CHCHD3: variants seen among roughly 807,000 people sequenced by gnomAD.
The protein encoded by CHCHD3 is MICOS complex subunit MIC19.
In CHCHD3, 20 loss-of-function variants were observed where a neutral mutation model predicts 38.2. The observed-to-expected ratio is 0.52, with a 90% CI of 0.37 to 0.76. The LOEUF is 0.76. Ranked by LOEUF, CHCHD3 falls within the 30% of genes least tolerant of loss-of-function variation. The pLI, the probability that CHCHD3 is intolerant of heterozygous loss-of-function variation, is 0.00. For missense variants in CHCHD3, 245 were observed against 279.2 expected, an observed-to-expected ratio of 0.88 and a Z score of 0.87; for synonymous variants, 82 against 100.0, an observed-to-expected ratio of 0.82 and a Z score of 1.07.
intron 4 of CHCHD3, among the ~76,000 whole-genome samples, chr7:132,888,496 T>C (rs1809272007): frequency 6.6e-6 from 1 of 151,892 alleles, no homozygotes; most frequent in African/African-American, 2.4e-5. Flanking sequence ...ATAATAACTA[T>C]AAATGTGTGA....
chr7:133,056,139 T>C (rs534045176), intron 2 of CHCHD3, among the ~76,000 whole-genome samples: 4 of 151,080 alleles, frequency 2.6e-5, no homozygotes, highest in African/African-American at 4.9e-5. Flanking sequence ...AGAGCAAGAC[T>C]ATGCCTCAAA....
chr7:132,937,308 T>C (rs1339627168), intron 4 of CHCHD3, among the ~76,000 whole-genome samples: 1 of 152,194 alleles, frequency 6.6e-6, no homozygotes, highest in Non-Finnish European at 1.5e-5. Context: ...TTAGGTTTAA[T>C]AGCAACTCAA....
chr7:132,800,097 T>TA (rs1198899179), intron 6 of CHCHD3, among the ~76,000 whole-genome samples: 3 of 152,274 alleles, frequency 2.0e-5, no homozygotes, highest in East Asian at 1.9e-4. Flanking sequence ...AAAAGGCATC[T>TA]AAAAAAATAT....
chr7:132,993,486 CCTCTT>C, intron 3 of CHCHD3, among the ~76,000 whole-genome samples: 1 of 152,330 alleles, frequency 6.6e-6, no homozygotes, highest in Non-Finnish European at 1.5e-5. Context: ...CCAAGACACA[CCTCTT>C]CTAAGTTCTC....
chr7:133,036,915 T>C lies in CHCHD3; in HGVS notation c.170-12288A>G, dbSNP rs540069958. Reference sequence around the variant, plus strand: ...TGTCAACATGCTAGGATTTGTTGGTTTTTTTAACCTACAGAAAAGATTATG... The same window carrying C: ...TGTCAACATGCTAGGATTTGTTGGTCTTTTTAACCTACAGAAAAGATTATG... On this transcript the variant is annotated intron_variant, in intron 2 of 7. Transcript: ENST00000262570. 8.5e-4 allele frequency among the ~76,000 whole-genome samples: 129 copies of C among 152,288 alleles called. No homozygotes were observed. In the Middle Eastern group the frequency reaches 0.024, roughly 28 times the overall value.
At chr7:133,003,786 G>A (rs1342279158) in intron 3 of CHCHD3, among the ~76,000 whole-genome samples, 1 of 152,050 alleles carries the variant, frequency 6.6e-6, no homozygotes, top group Non-Finnish European at 1.5e-5. Context: ...CATAGCTGCT[G>A]AGATAAAAAT....
intron 3 of CHCHD3, among the ~76,000 whole-genome samples, chr7:133,008,018 A>T (rs1038918965): frequency 6.6e-6 from 1 of 152,158 alleles, no homozygotes; most frequent in African/African-American, 2.4e-5. Flanking sequence ...AATATCTGTT[A>T]TGTTGGGGGA....
chr7:132,957,658 T>C (rs577288985), intron 4 of CHCHD3, among the ~76,000 whole-genome samples: 1 of 152,214 alleles, frequency 6.6e-6, no homozygotes, highest in Admixed American at 6.5e-5. Flanking sequence ...TTTTTGTATT[T>C]TTAGTAGAGA....
At chr7:132,922,008 G>C (rs1252042949) in intron 4 of CHCHD3, among the ~76,000 whole-genome samples, 5 of 152,216 alleles carry the variant, frequency 3.3e-5, no homozygotes, top group African/African-American at 1.2e-4. Context: ...GTGCAGAGAA[G>C]AGCTGCCTCA....
chr7:132,877,009 C>A (rs1585595868), intron 5 of CHCHD3, among the ~76,000 whole-genome samples: 1 of 152,084 alleles, frequency 6.6e-6, no homozygotes, highest in South Asian at 2.1e-4. Context: ...TCTCATCTTA[C>A]CTTAAGGTTA....
At chr7:132,895,746 G>A (rs1386805568) in intron 4 of CHCHD3, among the ~76,000 whole-genome samples, 1 of 152,206 alleles carries the variant, frequency 6.6e-6, no homozygotes, top group African/African-American at 2.4e-5. Flanking sequence ...CTTCCGCCAT[G>A]ATTGTGAGGT....
At chr7:132,807,294 C>T (rs1222024439) in intron 6 of CHCHD3, among the ~76,000 whole-genome samples, 1 of 152,022 alleles carries the variant, frequency 6.6e-6, no homozygotes, top group African/African-American at 2.4e-5. Context: ...GTCCTCTCTG[C>T]CCCCCAGGCT....
intron 6 of CHCHD3, among the ~76,000 whole-genome samples, chr7:132,809,267 T>C (rs541835161): frequency 6.6e-6 from 1 of 152,274 alleles, no homozygotes; most frequent in African/African-American, 2.4e-5. Context: ...TAATTCTTTA[T>C]TTTCAAGAAG....
chr7:132,875,815 C>A (rs752256652), intron 5 of CHCHD3, among the ~76,000 whole-genome samples: 1 of 152,212 alleles, frequency 6.6e-6, no homozygotes, highest in Non-Finnish European at 1.5e-5. Flanking sequence ...TTAGTCTACA[C>A]GGACAAATTG....
At chr7:133,057,654 T>A (rs1814382311) in intron 2 of CHCHD3, among the ~76,000 whole-genome samples, 1 of 152,216 alleles carries the variant, frequency 6.6e-6, no homozygotes, top group Admixed American at 6.5e-5. Flanking sequence ...ACAAGTTTTA[T>A]GTCATCACTT....
chr7:132,938,427 G>T (rs900981174), intron 4 of CHCHD3, among the ~76,000 whole-genome samples: 2 of 152,052 alleles, frequency 1.3e-5, no homozygotes, highest in African/African-American at 4.8e-5. Flanking sequence ...AAAAGCTGGG[G>T]TAAAAACCTT....
At chr7:133,034,961 G>A in intron 2 of CHCHD3, 2 of 1,601,202 alleles carry the variant, frequency 1.2e-6, no homozygotes, top group South Asian at 1.1e-5. Context: ...AGTACCACAG[G>A]GACCAGCCGT....
intron 5 of CHCHD3, among the ~76,000 whole-genome samples, chr7:132,872,765 G>A (rs1808796790): frequency 6.6e-6 from 1 of 152,110 alleles, no homozygotes; most frequent in Non-Finnish European, 1.5e-5. Flanking sequence ...TGACTCTAGT[G>A]GTTCTAAACA....
At chr7:132,903,209 C>T (rs1186217990) in intron 4 of CHCHD3, among the ~76,000 whole-genome samples, 3 of 152,146 alleles carry the variant, frequency 2.0e-5, no homozygotes, top group African/African-American at 7.2e-5. Flanking sequence ...AAACTATGTA[C>T]CTCCTCCCAT....
Sources: allele counts gnomAD v4.1 joint callset (sites outside exome capture counted in the v4.1 genomes callset), GRCh38; gene constraint gnomAD v4.1.1; transcripts MANE v1.5; gene names NCBI Gene and HGNC (gene_info 2026-07-23, HGNC 2026-07-21).